Variants in TTC39B observed in about 807,000 individuals in gnomAD.
TTC39B encodes tetratricopeptide repeat domain 39B, also known as tetratricopeptide repeat protein 39B.
Under a neutral mutation model 96.6 loss-of-function variants are expected in TTC39B, and 92 were observed. The observed-to-expected ratio is 0.95, with a 90% CI of 0.80 to 1.13. The LOEUF (loss-of-function observed/expected upper bound fraction) is 1.13. Among genes scored for constraint, TTC39B ranks in the 50% most tolerant of loss-of-function variants. The pLI, the probability that TTC39B is intolerant of heterozygous loss-of-function variation, is 0.00. For missense variants in TTC39B, 955 were observed against 809.3 expected (o/e 1.18, Z -2.18); for synonymous variants, 367 against 299.4 (o/e 1.23, Z -2.33).
chr9:15,197,521 C>G (rs1051056142), intron 8 of TTC39B, among the ~76,000 whole-genome samples: 11 of 151,780 alleles, frequency 7.2e-5, no homozygotes, highest in Non-Finnish European at 1.3e-4. Flanking sequence ...CCACAAGTAA[C>G]TATTACAAAT....
At chr9:15,279,565 T>C (rs1823675207) in intron 1 of TTC39B, among the ~76,000 whole-genome samples, 2 of 152,214 alleles carry the variant, frequency 1.3e-5, no homozygotes, top group Non-Finnish European at 2.9e-5. Flanking sequence ...GTCACTCAGC[T>C]GTCCATAGAT....
intron 1 of TTC39B, among the ~76,000 whole-genome samples, chr9:15,273,851 G>A (rs1260349992): frequency 6.6e-6 from 1 of 152,198 alleles, no homozygotes; most frequent in Non-Finnish European, 1.5e-5. Context: ...ATGGAGATGA[G>A]ACATGAAGAG....
chr9:15,205,663 G>C (rs1290811875), intron 6 of TTC39B, among the ~76,000 whole-genome samples: 1 of 152,178 alleles, frequency 6.6e-6, no homozygotes, highest in African/African-American at 2.4e-5. Flanking sequence ...ATACCAACTG[G>C]TAACTTATTT....
intron 1 of TTC39B, 96 bp from the exon 2 acceptor site, chr9:15,268,044 G>C (rs1474263036): frequency 8.9e-7 from 1 of 1,123,720 alleles, no homozygotes; most frequent in Non-Finnish European, 1.3e-6. Context: ...ATTGGGGAGA[G>C]TGGTCCTGGC....
intron 5 of TTC39B, among the ~76,000 whole-genome samples, chr9:15,210,462 T>C (rs1820132081): frequency 6.6e-6 from 1 of 152,232 alleles, no homozygotes; most frequent in African/African-American, 2.4e-5. Flanking sequence ...AAAATCAGTA[T>C]TTGTGGTAAA....
intron 9 of TTC39B, 41 bp downstream of exon 9, chr9:15,192,549 C>A (rs1443546271): frequency 8.0e-6 from 12 of 1,502,616 alleles, no homozygotes; most frequent in Non-Finnish European, 1.1e-5. Context: ...ACCTTAGGTT[C>A]TTCTACAAAA....
intron 1 of TTC39B, among the ~76,000 whole-genome samples, chr9:15,273,958 C>T (rs982309075): frequency 2.0e-5 from 3 of 152,170 alleles, no homozygotes; most frequent in Admixed American, 6.5e-5. Flanking sequence ...GCATCCACTC[C>T]TGTAAATCAA....
intron 2 of TTC39B, among the ~76,000 whole-genome samples, chr9:15,264,729 C>CTATATATATATATATA (rs138797791): frequency 1.7e-4 from 24 of 141,926 alleles, no homozygotes; most frequent in African/African-American, 5.9e-4. Context: ...AACAATTTTA[C>CTATATATATATATATA]TATATATATA....
At chr9:15,290,762 C>A (rs964980153) in intron 1 of TTC39B, among the ~76,000 whole-genome samples, 5 of 152,232 alleles carry the variant, frequency 3.3e-5, no homozygotes, top group Admixed American at 3.3e-4. Flanking sequence ...ATATCTACCT[C>A]TTTTTTTTCT....
chr9:15,244,591 T>C lies in TTC39B; in HGVS notation c.276-18579A>G, dbSNP rs1378254856. Reference sequence around the variant, plus strand: ...GGTGCTGATGTTATTAGAGGAGTTATAGAGGAGTATAGTGGTGCTGATGTT... The same window carrying C: ...GGTGCTGATGTTATTAGAGGAGTTACAGAGGAGTATAGTGGTGCTGATGTT... On this transcript the variant is annotated intron_variant, in intron 2 of 19. Transcript: ENST00000512701. 3.3e-5 allele frequency among the ~76,000 whole-genome samples: 5 copies of C among 152,260 alleles called. No homozygotes were observed. In the East Asian group the frequency reaches 9.6e-4, roughly 29 times the overall value.
intron 8 of TTC39B, among the ~76,000 whole-genome samples, chr9:15,198,244 G>T (rs538442776): frequency 6.6e-6 from 1 of 152,112 alleles, no homozygotes; most frequent in Admixed American, 6.5e-5. Context: ...GGATCACGAG[G>T]TCAGGAGTTC....
At chr9:15,299,468 G>A (rs1161766245) in intron 1 of TTC39B, among the ~76,000 whole-genome samples, 3 of 152,230 alleles carry the variant, frequency 2.0e-5, no homozygotes, top group East Asian at 1.9e-4. Flanking sequence ...AACTGGCCGC[G>A]GTGGCTCTGG....
At chr9:15,304,998 T>A (rs1045607017) in intron 1 of TTC39B, among the ~76,000 whole-genome samples, 10 of 152,198 alleles carry the variant, frequency 6.6e-5, no homozygotes, top group Non-Finnish European at 1.2e-4. Flanking sequence ...ATAATGGCCA[T>A]TAAAAACTAT....
At chr9:15,254,659 A>C (rs891112236) in intron 2 of TTC39B, among the ~76,000 whole-genome samples, 4 of 152,146 alleles carry the variant, frequency 2.6e-5, no homozygotes, top group African/African-American at 9.7e-5. Context: ...TTTAAAATAC[A>C]CTTTTTAAAT....
At chr9:15,248,494 C>T (rs750024651) in intron 2 of TTC39B, among the ~76,000 whole-genome samples, 1 of 152,090 alleles carries the variant, frequency 6.6e-6, no homozygotes, top group Non-Finnish European at 1.5e-5. Flanking sequence ...TTTTTTAATG[C>T]CCTCTTCATC....
At chr9:15,269,941 G>A (rs888305681) in intron 1 of TTC39B, among the ~76,000 whole-genome samples, 7 of 151,904 alleles carry the variant, frequency 4.6e-5, no homozygotes, top group South Asian at 2.1e-4. Flanking sequence ...GGCCAAGGCT[G>A]GTGGATCACC....
At chr9:15,302,326 T>TA (rs1041553953) in intron 1 of TTC39B, among the ~76,000 whole-genome samples, 8 of 147,210 alleles carry the variant, frequency 5.4e-5, no homozygotes, top group African/African-American at 1.3e-4. Flanking sequence ...ACTCTGTCTT[T>TA]AAAAAAAAGG....
chr9:15,281,308 G>A (rs1306733091), intron 1 of TTC39B, among the ~76,000 whole-genome samples: 2 of 152,190 alleles, frequency 1.3e-5, no homozygotes, highest in East Asian at 1.9e-4. Context: ...AGAATTAAAT[G>A]AGATGTACGT....
intron 2 of TTC39B, among the ~76,000 whole-genome samples, chr9:15,243,890 G>T (rs557540750): frequency 2.6e-5 from 4 of 152,288 alleles, no homozygotes; most frequent in African/African-American, 9.6e-5. Flanking sequence ...CCAGGCTGGA[G>T]TCTCTAAAAA....
Sources: gnomAD v4.1 joint callset for allele counts (sites outside exome capture counted in the v4.1 genomes callset) on GRCh38, gnomAD v4.1.1 for gene constraint, MANE v1.5 for transcripts, NCBI Gene and HGNC (gene_info 2026-07-23, HGNC 2026-07-21) for gene names.